The following SERINC2 variants were observed in gnomAD, a reference collection of about 807,000 sequenced individuals.
The protein encoded by SERINC2 is tumor differentially expressed protein 2.
Under a neutral mutation model 54.2 loss-of-function variants are expected in SERINC2, and 56 were observed. The observed-to-expected ratio is 1.03, with a 90% CI of 0.83 to 1.29. SERINC2 has a LOEUF of 1.29. Among genes scored for constraint, SERINC2 ranks in the 50% most tolerant of loss-of-function variants. The probability of loss-of-function intolerance (pLI) is 0.00; values close to 1 mark genes in which losing one functional copy is unlikely to be tolerated. For synonymous variants in SERINC2, 272 were observed against 253.1 expected, an observed-to-expected ratio of 1.07 and a Z score of -0.71; for missense variants, 614 against 607.4, an observed-to-expected ratio of 1.01 and a Z score of -0.12.
chr1:31,424,857 G>T lies in SERINC2; in HGVS notation c.376G>T (p.Ala126Ser), dbSNP rs782184290. 3 of 1,611,394 alleles carry T rather than the reference G, an allele frequency of 1.9e-6. No individual in the cohort carries two copies. The South Asian group carries it at 3.3e-5, about 18-fold the overall frequency. ...CGTGAGCAGCAGCCGGGACCCCCGGGCTGCCATCCAGAATGGGTGAGAGAG... is the reference window on the plus strand; with the variant it reads ...CGTGAGCAGCAGCCGGGACCCCCGGTCTGCCATCCAGAATGGGTGAGAGAG... ...LCVSSSRDPR[A>S]AIQNGFWFFK... is the part of the protein sequence containing the mutation. Residue 126 changes from alanine to serine, a missense_variant, in exon 3 of 10, where the codon GCT becomes TCT. By Grantham distance (99) the Ala-to-Ser change is moderately conservative (BLOSUM62 1). Coordinates refer to ENST00000373709, the MANE Select transcript of SERINC2 (RefSeq NM_178865.5).
chr1:31,433,915 C>T (rs1432595478), intron 9 of SERINC2, 149 bp from the exon 10 acceptor site: 6 of 771,298 alleles, frequency 7.8e-6, no homozygotes, highest in South Asian at 1.7e-5. Context: ...GTCACAAGGC[C>T]GGGTGTTAAA....
At chr1:31,419,322 CAA>C (rs1640851853) in intron 1 of SERINC2, among the ~76,000 whole-genome samples, 2 of 152,118 alleles carry the variant, frequency 1.3e-5, no homozygotes, top group Non-Finnish European at 2.9e-5. Flanking sequence ...CTTGAGACTC[CAA>C]TAGGCTCACA....
At chr1:31,424,897 A>C in intron 3 of SERINC2, 24 bp downstream of exon 3, 1 of 1,588,746 alleles carries the variant, frequency 6.3e-7, no homozygotes, top group East Asian at 2.3e-5. Context: ...CCCTGCCTGC[A>C]CCCTGGGACC....
chr1:31,417,698 G>A (rs1365001349), intron 1 of SERINC2, among the ~76,000 whole-genome samples: 5 of 151,814 alleles, frequency 3.3e-5, no homozygotes, highest in African/African-American at 7.3e-5. Flanking sequence ...CCAGCCCCTC[G>A]TAACCACCAA....
intron 5 of SERINC2, 159 bp downstream of exon 5, chr1:31,426,072 G>A (rs1207677037): frequency 1.1e-5 from 8 of 740,270 alleles, no homozygotes; most frequent in Admixed American, 3.0e-5. Context: ...GAGATGGGGG[G>A]CACCAGCTGA....
chr1:31,432,469 A>T (rs1230472205), intron 8 of SERINC2, among the ~76,000 whole-genome samples: 3 of 152,106 alleles, frequency 2.0e-5, no homozygotes, highest in Non-Finnish European at 4.4e-5. Flanking sequence ...GCCATTGGTA[A>T]AACCACCTGA....
chr1:31,433,246 C>G, intron 9 of SERINC2, 61 bp downstream of exon 9: 2 of 1,401,116 alleles, frequency 1.4e-6, no homozygotes, highest in South Asian at 2.3e-5. Flanking sequence ...CCACACATCT[C>G]TCCTGCGGCC....
At chr1:31,432,129 T>TGGAG (rs1641293916) in intron 8 of SERINC2, among the ~76,000 whole-genome samples, 1 of 9,884 alleles carries the variant, frequency 1.0e-4, no homozygotes, top group African/African-American at 2.8e-4. Context: ...TTAGGGTGGA[T>TGGAG]AGGGTGGACA....
At chr1:31,421,711 T>C (rs1640905161) in intron 1 of SERINC2, among the ~76,000 whole-genome samples, 1 of 152,242 alleles carries the variant, frequency 6.6e-6, no homozygotes, top group African/African-American at 2.4e-5. Context: ...TTTCAATTCC[T>C]GACCCTTGGC....
In SERINC2 at chr1:31,413,734, C is replaced by T; in HGVS notation, c.39+430C>T. ...GTAGGTCGCCCGGGCCCCGTCCCTCCTGGCGAGTGCCCTGCCCTACCCCTC... is the reference window on the plus strand; with the variant it reads ...GTAGGTCGCCCGGGCCCCGTCCCTCTTGGCGAGTGCCCTGCCCTACCCCTC... On this transcript the variant is annotated intron_variant, in intron 1 of 9. Coordinates refer to ENST00000373709, the MANE Select transcript of SERINC2 (RefSeq NM_178865.5). The surrounding 1 kb of genome is among the most constrained non-coding windows in gnomAD (Gnocchi z 5.0). The T allele has an allele frequency of 5.3e-6, 7 of 1,314,746 alleles. No homozygotes were observed. The highest frequency in any genetic ancestry group is 6.8e-6 in the Non-Finnish European group (7 of 1,036,244). The allele number at this position is 1,314,746 out of a possible 1,614,324, so 81.4% of individuals were successfully genotyped here.
intron 8 of SERINC2, among the ~76,000 whole-genome samples, chr1:31,432,111 T>TGGAG (rs1557501327): frequency 1.9e-4 from 2 of 10,610 alleles, no homozygotes; most frequent in Non-Finnish European, 2.1e-4. Flanking sequence ...ACAGGGTGGA[T>TGGAG]AGGGTGGTTA....
chr1:31,430,907 C>T (rs1238967851), intron 8 of SERINC2, among the ~76,000 whole-genome samples: 1 of 152,242 alleles, frequency 6.6e-6, no homozygotes, highest in Non-Finnish European at 1.5e-5. Flanking sequence ...CCAGTTCCAA[C>T]AGCACCCCTG....
In SERINC2 at chr1:31,426,721, C is replaced by G. The variant is rs782080769; in HGVS notation, c.678C>G (p.Tyr226Ter). 3.8e-5 allele frequency: 61 copies of G among 1,614,002 alleles called. 1 individual carries two copies. Among genetic ancestry groups the G allele is most frequent in the Non-Finnish European group, 4.7e-5 (56 of 1,179,986 alleles). ...SIAAVALMFM[Y>*]YTEPSGCHEG... The stretch of plus-strand genomic sequence containing the variant: ...CGGCCGTGGCGCTGATGTTCATGTA[C>G]TACACTGAGCCCAGCGGCTGCCACG... Residue 226 changes from tyrosine (Y) to a stop codon, truncating the protein, a stop_gained, in exon 6 of 10, where the codon TAC becomes TAG. Transcript: ENST00000373709. LOFTEE classifies it high-confidence loss of function.
chr1:31,431,872 G>T (rs570625164), intron 8 of SERINC2, among the ~76,000 whole-genome samples: 1 of 147,096 alleles, frequency 6.8e-6, no homozygotes, highest in Admixed American at 6.7e-5. Flanking sequence ...GGTGGATAGG[G>T]TGGACAGGGT....
chr1:31,427,508 G>A (rs1306996352), intron 6 of SERINC2, among the ~76,000 whole-genome samples: 2 of 152,150 alleles, frequency 1.3e-5, no homozygotes, highest in African/African-American at 4.8e-5. Flanking sequence ...CAGAGAAGGC[G>A]ATGTCTGTGT....
chr1:31,413,405 C>A lies in SERINC2; in HGVS notation c.39+101C>A. On this transcript the variant is annotated intron_variant, in intron 1 of 9. Coordinates refer to ENST00000373709, the MANE Select transcript of SERINC2 (RefSeq NM_178865.5). This position sits in a 1 kb window ranked among gnomAD's most constrained non-coding sequence, Gnocchi z 5.0. ...TCCGAGTAGTTTCTTCTTTTTCCTT[C>A]CTGCAAACTTGTCTTTCTGGGCCGG... 2 of 641,406 alleles carry A rather than the reference C, an allele frequency of 3.1e-6. No individual in the cohort carries two copies. The highest frequency in any genetic ancestry group is 1.9e-5 in the African/African-American group (1 of 52,516). The allele number at this position is 641,406 out of a possible 1,614,324, so 39.7% of individuals were successfully genotyped here.
At chr1:31,410,901 G>A (rs548310704), upstream of SERINC2, among the ~76,000 whole-genome samples, 3 of 152,272 alleles carry the variant, frequency 2.0e-5, no homozygotes, top group East Asian at 1.9e-4. Flanking sequence ...ACCCTGGGAC[G>A]GGAGCATGTG....
chr1:31,430,753 G>A (rs1342523088), intron 8 of SERINC2, among the ~76,000 whole-genome samples: 2 of 152,194 alleles, frequency 1.3e-5, no homozygotes, highest in African/African-American at 4.8e-5. Flanking sequence ...ATAAGATTAG[G>A]TTTAATTATT....
chr1:31,413,727 G>A lies in SERINC2; in HGVS notation c.39+423G>A. 7.8e-7 allele frequency: 1 copy of A among 1,280,212 alleles called. No individual in the cohort carries two copies. Among genetic ancestry groups the A allele is most frequent in the Non-Finnish European group, 9.9e-7 (1 of 1,014,818 alleles). 79.3% of individuals were successfully genotyped at this position (1,280,212 alleles called of 1,614,324 possible). Reference sequence around the variant, plus strand: ...TCTCTGTGTAGGTCGCCCGGGCCCCGTCCCTCCTGGCGAGTGCCCTGCCCT... The same window carrying A: ...TCTCTGTGTAGGTCGCCCGGGCCCCATCCCTCCTGGCGAGTGCCCTGCCCT... On this transcript the variant is annotated intron_variant, in intron 1 of 9. Transcript: ENST00000373709. This position sits in a 1 kb window ranked among gnomAD's most constrained non-coding sequence, Gnocchi z 5.0.
Sources: gnomAD v4.1 joint callset for allele counts (sites outside exome capture counted in the v4.1 genomes callset) on GRCh38, gnomAD v4.1.1 for gene constraint, Gnocchi (gnomAD v3.1) non-coding constraint, MANE v1.5 for transcripts, NCBI Gene and HGNC (gene_info 2026-07-23, HGNC 2026-07-21) for gene names.